Variants in MAGI1 observed in about 807,000 individuals in gnomAD.
The protein encoded by MAGI1 is membrane-associated guanylate kinase, WW and PDZ domain-containing protein 1.
A neutral mutation model predicts 139.9 loss-of-function variants in MAGI1; 58 were observed. The observed-to-expected ratio is 0.41, with a 90% CI of 0.34 to 0.52. The LOEUF (loss-of-function observed/expected upper bound fraction) is 0.52. Ranked by LOEUF, MAGI1 falls within the 20% of genes least tolerant of loss-of-function variation. The pLI is 0.12. For synonymous variants in MAGI1, 812 were observed against 737.9 expected (o/e 1.10, Z -1.63); for missense variants, 1,874 against 1,901.6 (o/e 0.99, Z 0.27).
chr3:65,752,716 C>G (rs905119382), intron 1 of MAGI1, among the ~76,000 whole-genome samples: 1 of 152,166 alleles, frequency 6.6e-6, no homozygotes, highest in Non-Finnish European at 1.5e-5. Flanking sequence ...TCAACCTTAA[C>G]CCCTGTCCTG....
intron 12 of MAGI1, among the ~76,000 whole-genome samples, chr3:65,421,026 G>C (rs1010504432): frequency 6.6e-6 from 1 of 152,100 alleles, no homozygotes; most frequent in African/African-American, 2.4e-5. Context: ...AATCCGTAAA[G>C]AAACCAGAAT....
chr3:65,731,789 C>G (rs762475984), intron 1 of MAGI1, among the ~76,000 whole-genome samples: 1 of 151,946 alleles, frequency 6.6e-6, no homozygotes, highest in Non-Finnish European at 1.5e-5. Flanking sequence ...CTTATTTATC[C>G]CCAGGATTCG....
chr3:65,582,293 G>A (rs1576386010), intron 2 of MAGI1, among the ~76,000 whole-genome samples: 1 of 152,282 alleles, frequency 6.6e-6, no homozygotes, highest in African/African-American at 2.4e-5. Flanking sequence ...AGTCTTGTAT[G>A]TGTTATGTTT....
intron 5 of MAGI1, 138 bp downstream of exon 5, chr3:65,470,145 T>G: frequency 3.3e-6 from 2 of 602,690 alleles, no homozygotes; most frequent in Non-Finnish European, 5.7e-6. Flanking sequence ...TATGCAAAAC[T>G]TATTAAACCT....
intron 18 of MAGI1, chr3:65,365,211 C>A (rs1194744466): frequency 1.5e-6 from 1 of 647,954 alleles, no homozygotes; most frequent in East Asian, 3.3e-5. Flanking sequence ...GAAAACACTG[C>A]TCTAAAATTC....
intron 1 of MAGI1, among the ~76,000 whole-genome samples, chr3:65,830,998 T>A (rs1390236): frequency 3.9e-5 from 6 of 151,936 alleles, no homozygotes; most frequent in Non-Finnish European, 8.8e-5. Context: ...TATGTACTTT[T>A]AGCAATTGGA....
chr3:65,583,002 T>C (rs1471457773), intron 2 of MAGI1, among the ~76,000 whole-genome samples: 1 of 152,208 alleles, frequency 6.6e-6, no homozygotes, highest in Non-Finnish European at 1.5e-5. Flanking sequence ...ACAAGTGAAA[T>C]GCACTTAATA....
chr3:65,394,591 T>C (rs923280715), intron 13 of MAGI1, among the ~76,000 whole-genome samples: 2 of 152,146 alleles, frequency 1.3e-5, no homozygotes, highest in Non-Finnish European at 2.9e-5. Context: ...TGAAAACTCA[T>C]TAATTTGAAG....
chr3:65,668,970 T>C (rs1013703932), intron 1 of MAGI1, among the ~76,000 whole-genome samples: 7 of 152,126 alleles, frequency 4.6e-5, no homozygotes, highest in African/African-American at 1.7e-4. Context: ...TCTCGCTCTG[T>C]TGCCCAGGCT....
Position 65,643,485 on chromosome 3 carries a change from T to A in MAGI1, c.314-21397A>T, listed in dbSNP as rs2085095812. On this transcript the variant is annotated intron_variant, in intron 1 of 22. Transcript: ENST00000402939. ...ACTAAGTACAACTATAGGCCTTGGA[T>A]CTAGGAAATTAAGAAGATGTCTGAA... 3.9e-5 allele frequency among the ~76,000 whole-genome samples: 6 copies of A among 152,172 alleles called. No individual in the cohort carries two copies. The South Asian group carries it at 1.2e-3, about 32-fold the overall frequency.
chr3:65,420,599 T>A (rs1946572326), intron 12 of MAGI1, among the ~76,000 whole-genome samples: 2 of 152,186 alleles, frequency 1.3e-5, no homozygotes, highest in African/African-American at 4.8e-5. Context: ...AGGCACGTGA[T>A]GTTAATGAAT....
intron 1 of MAGI1, among the ~76,000 whole-genome samples, chr3:65,660,790 T>C (rs140306257): frequency 3.1e-4 from 47 of 152,348 alleles, no homozygotes; most frequent in African/African-American, 1.1e-3. Context: ...ATCATCTCTA[T>C]GGGAGGCCAC....
intron 1 of MAGI1, among the ~76,000 whole-genome samples, chr3:65,856,446 T>C (rs995361957): frequency 2.0e-5 from 3 of 152,128 alleles, no homozygotes; most frequent in Non-Finnish European, 4.4e-5. Flanking sequence ...CTCAATAAAG[T>C]GTGACCAGAG....
chr3:65,410,806 T>C (rs9869670), intron 12 of MAGI1, among the ~76,000 whole-genome samples: 47,198 of 151,538 alleles, frequency 0.31, 8,300 homozygotes, highest in South Asian at 0.44. Flanking sequence ...ACGAGATCAG[T>C]CTCTGATTTG....
chr3:65,906,116 A>C (rs1268450809), intron 1 of MAGI1, among the ~76,000 whole-genome samples: 1 of 152,228 alleles, frequency 6.6e-6, no homozygotes, highest in Non-Finnish European at 1.5e-5. Context: ...TCTCCCTGAA[A>C]ATATACTGTT....
chr3:65,960,155 G>A (rs537272360), intron 1 of MAGI1, among the ~76,000 whole-genome samples: 8 of 152,074 alleles, frequency 5.3e-5, no homozygotes, highest in Admixed American at 3.9e-4. Context: ...GTATCTTTCT[G>A]TTCTTGTCAA....
intron 1 of MAGI1, among the ~76,000 whole-genome samples, chr3:65,653,457 T>A (rs916940914): frequency 2.0e-5 from 3 of 152,164 alleles, no homozygotes; most frequent in Admixed American, 6.5e-5. Context: ...CCTGCAAGCT[T>A]CCGTGTTATC....
chr3:65,513,706 C>G (rs1359297844), intron 2 of MAGI1, among the ~76,000 whole-genome samples: 1 of 48,214 alleles, frequency 2.1e-5, no homozygotes, highest in Non-Finnish European at 4.5e-5. Flanking sequence ...TAGGAAGAAT[C>G]AATATCGTGA....
At chr3:65,774,672 T>C (rs1435732521) in intron 1 of MAGI1, among the ~76,000 whole-genome samples, 1 of 152,260 alleles carries the variant, frequency 6.6e-6, no homozygotes, top group East Asian at 1.9e-4. Flanking sequence ...AGAAATGGCA[T>C]ACACAAAATG....
Sources: allele counts gnomAD v4.1 joint callset (sites outside exome capture counted in the v4.1 genomes callset), GRCh38; gene constraint gnomAD v4.1.1; transcripts MANE v1.5; gene names NCBI Gene and HGNC (gene_info 2026-07-23, HGNC 2026-07-21).